Variants in COL27A1 observed in about 807,000 individuals in gnomAD.
COL27A1 encodes the protein collagen type XXVII alpha 1 chain.
Under a neutral mutation model 251.3 loss-of-function variants are expected in COL27A1, and 106 were observed. The ratio of observed to expected loss-of-function variants is 0.42; its 90% CI spans 0.36 to 0.50. The LOEUF is 0.50. Among genes scored for constraint, COL27A1 ranks in the 20% least tolerant of loss-of-function variants. COL27A1 has a pLI of 0.00. For synonymous variants in COL27A1, 1,000 were observed against 986.3 expected (o/e 1.01, Z -0.26); for missense variants, 2,325 against 2,522.8 (o/e 0.92, Z 1.68).
At position 114,226,361 on chromosome 9, in the gene COL27A1, G is replaced by A. The variant is rs181064344; in HGVS notation, c.2466+4094G>A. 3.3e-5 allele frequency among the ~76,000 whole-genome samples: 5 copies of A among 152,288 alleles called. No individual in the cohort carries two copies. In the East Asian group the frequency reaches 9.6e-4, roughly 29 times the overall value. ...CCAACGCTGTGCCAAGTTTTTAGTT[G>A]TCACAACAGCCCTCTGAGGGTAGGA... On this transcript the variant is annotated intron_variant, in intron 14 of 60. Coordinates refer to ENST00000356083, the MANE Select transcript of COL27A1 (RefSeq NM_032888.4).
At chr9:114,288,234 G>A (rs1209269965) in intron 41 of COL27A1, among the ~76,000 whole-genome samples, 1 of 152,176 alleles carries the variant, frequency 6.6e-6, no homozygotes, top group Non-Finnish European at 1.5e-5. Flanking sequence ...CAGCTCAAGG[G>A]CGTCTGGAGG....
chr9:114,196,974 C>A (rs537327140), intron 7 of COL27A1, among the ~76,000 whole-genome samples: 1 of 152,298 alleles, frequency 6.6e-6, no homozygotes, highest in African/African-American at 2.4e-5. Context: ...TATTTTGAGC[C>A]ACCAGGCATG....
At chr9:114,302,989 C>T (rs1828769907) in intron 56 of COL27A1, among the ~76,000 whole-genome samples, 2 of 152,180 alleles carry the variant, frequency 1.3e-5, no homozygotes, top group Admixed American at 1.3e-4. Flanking sequence ...CTGCTCTCCT[C>T]ATGCCTGCTC....
intron 27 of COL27A1, among the ~76,000 whole-genome samples, chr9:114,254,295 G>A (rs1162896614): frequency 2.6e-5 from 4 of 151,738 alleles, no homozygotes; most frequent in Admixed American, 2.6e-4. Context: ...GGGAGAGGCT[G>A]GGAGAGCTGG....
At chr9:114,254,901 A>G (rs1262579745) in intron 27 of COL27A1, among the ~76,000 whole-genome samples, 1 of 152,164 alleles carries the variant, frequency 6.6e-6, no homozygotes, top group African/African-American at 2.4e-5. Context: ...ACAGACTTTT[A>G]TCGAGCACCT....
intron 57 of COL27A1, 61 bp from the exon 58 acceptor site, chr9:114,306,459 C>T (rs1399881791): frequency 6.4e-7 from 1 of 1,569,382 alleles, no homozygotes; most frequent in Non-Finnish European, 8.7e-7. Context: ...GCTGTGGAGG[C>T]TTGAACCCCA....
chr9:114,170,448 GTGGTGGCC>G (rs1375265784), intron 3 of COL27A1, among the ~76,000 whole-genome samples: 1 of 152,210 alleles, frequency 6.6e-6, no homozygotes, highest in Non-Finnish European at 1.5e-5. Flanking sequence ...TGACCACCGT[GTGGTGGCC>G]TCTCTCTCTC....
intron 25 of COL27A1, among the ~76,000 whole-genome samples, chr9:114,251,438 C>A (rs1168094870): frequency 6.6e-6 from 1 of 152,138 alleles, no homozygotes; most frequent in African/African-American, 2.4e-5. Context: ...TCGCTTCCCC[C>A]TCCTCCTCCT....
chr9:114,259,098 G>A (rs1171458721), intron 28 of COL27A1, among the ~76,000 whole-genome samples: 1 of 152,226 alleles, frequency 6.6e-6, no homozygotes, highest in Non-Finnish European at 1.5e-5. Flanking sequence ...ACTAAGGAAG[G>A]ACTTTAGGAG....
chr9:114,244,066 C>T (rs951209848), intron 23 of COL27A1, among the ~76,000 whole-genome samples: 12 of 152,056 alleles, frequency 7.9e-5, no homozygotes, highest in South Asian at 6.2e-4. Context: ...GCTGGGACTA[C>T]AGGTGTGCAG....
chr9:114,182,985 G>A (rs1828048911), intron 4 of COL27A1, 37 bp from the exon 5 acceptor site: 1 of 1,597,640 alleles, frequency 6.3e-7, no homozygotes, highest in Non-Finnish European at 8.6e-7. Flanking sequence ...CCTGTTTTTT[G>A]TCACCTTTTT....
chr9:114,275,744 C>T lies in COL27A1; in HGVS notation c.3693C>T (p.Gly1231=), dbSNP rs1270271257. The T allele has an allele frequency of 1.3e-6, 2 of 1,547,396 alleles. No individual in the cohort carries two copies. Among genetic ancestry groups the T allele is most frequent in the East Asian group, 2.4e-5 (1 of 40,832 alleles). Residue 1231 remains glycine, a synonymous_variant, in exon 37 of 61, where the codon GGC becomes GGT. Transcript: ENST00000356083. The stretch of plus-strand genomic sequence containing the variant: ...TGATGGGTGAGGACGGGCCCCCCGG[C>T]CCCCCTGGCGTCACTGGTGTCCGGG... The part of the protein sequence containing the change: ...EGLMGEDGPP[G]PPGVTGVRGP...
At chr9:114,305,704 G>C (rs1171547985) in intron 57 of COL27A1, among the ~76,000 whole-genome samples, 2 of 152,186 alleles carry the variant, frequency 1.3e-5, no homozygotes, top group East Asian at 3.9e-4. Context: ...AATTGTGCAG[G>C]AGGGTCTCTG....
chr9:114,216,150 C>T (rs10119877), intron 12 of COL27A1, among the ~76,000 whole-genome samples: 1,962 of 152,354 alleles, frequency 0.013, 45 homozygotes, highest in African/African-American at 0.045. Context: ...CAGAGTCTCA[C>T]TCCTTAGCCT....
At chr9:114,218,160 C>T (rs889636801) in intron 12 of COL27A1, 1 of 221,418 alleles carries the variant, frequency 4.5e-6, no homozygotes, top group Non-Finnish European at 9.1e-6. Flanking sequence ...GATTCTTGTC[C>T]CAGGAGGTGA....
intron 30 of COL27A1, 22 bp from the exon 31 acceptor site, chr9:114,265,044 T>G (rs1299980151): frequency 6.2e-7 from 1 of 1,612,602 alleles, no homozygotes; most frequent in Non-Finnish European, 8.5e-7. Flanking sequence ...GAGCCTGTAA[T>G]GACCCCCACA....
At chr9:114,272,081 T>C (rs1200079943) in intron 36 of COL27A1, 3 of 152,284 alleles carry the variant, frequency 2.0e-5, no homozygotes, top group African/African-American at 7.2e-5. Context: ...TGGGTGGTGA[T>C]GCTGATGAAG....
At chr9:114,228,844 T>C (rs1386046135) in intron 14 of COL27A1, among the ~76,000 whole-genome samples, 2 of 152,000 alleles carry the variant, frequency 1.3e-5, no homozygotes, top group African/African-American at 4.8e-5. Flanking sequence ...TTTTCAAAGA[T>C]AGGGTCTCTT....
chr9:114,193,070 G>A (rs1344218192), intron 5 of COL27A1, among the ~76,000 whole-genome samples: 1 of 152,164 alleles, frequency 6.6e-6, no homozygotes, highest in African/African-American at 2.4e-5. Flanking sequence ...AGGGAGCTGA[G>A]CTCAGGAAGG....
Sources: gnomAD v4.1 joint callset for allele counts (sites outside exome capture counted in the v4.1 genomes callset) on GRCh38, gnomAD v4.1.1 for gene constraint, MANE v1.5 for transcripts, NCBI Gene and HGNC (gene_info 2026-07-23, HGNC 2026-07-21) for gene names.